Variants in LTBP1 observed in about 807,000 individuals in gnomAD.
LTBP1 encodes the protein latent-transforming growth factor beta-binding protein 1.
A neutral mutation model predicts 207.6 loss-of-function variants in LTBP1; 129 were observed. That is an observed-to-expected ratio of 0.62 (90% confidence interval 0.54 to 0.72). The LOEUF (loss-of-function observed/expected upper bound fraction) is 0.72, where lower values mean the gene tolerates loss of function less well. Ranked by LOEUF, LTBP1 falls within the 30% of genes least tolerant of loss-of-function variation. LTBP1 has a pLI of 0.00. For missense variants in LTBP1, 2,281 were observed against 2,217.2 expected (o/e 1.03, Z -0.58); for synonymous variants, 963 against 833.7 (o/e 1.16, Z -2.67).
rs182609918 is a variant in LTBP1 at position 33,060,896 on chromosome 2, T to A, written c.863+39690T>A. ...TTTCAAAAATTAAAAATTATATTAC[T>A]TTTTTTTTCTGAAATAGCTCTTGCA... On this transcript the variant is annotated intron_variant, in intron 3 of 33. Transcript: ENST00000404816. Among the ~76,000 whole-genome samples, 555 of 151,028 alleles carry A rather than the reference T, an allele frequency of 3.7e-3. 2 individuals are homozygous for A. The highest frequency in any genetic ancestry group is 6.1e-3 in the Non-Finnish European group (415 of 67,850).
chr2:33,150,956 G>A (rs186684687), intron 5 of LTBP1, among the ~76,000 whole-genome samples: 1 of 151,390 alleles, frequency 6.6e-6, no homozygotes, highest in African/African-American at 2.4e-5. Flanking sequence ...GCCAGGCTGG[G>A]CTCAAATTCC....
chr2:33,197,588 T>C (rs1018039800), intron 7 of LTBP1, among the ~76,000 whole-genome samples: 7 of 152,332 alleles, frequency 4.6e-5, no homozygotes, highest in African/African-American at 1.7e-4. Context: ...TCCTTTGTTT[T>C]TAAATTGGAT....
chr2:33,306,022 A>T (rs185765627), intron 22 of LTBP1, among the ~76,000 whole-genome samples: 1 of 152,116 alleles, frequency 6.6e-6, no homozygotes, highest in Non-Finnish European at 1.5e-5. Flanking sequence ...GGAAAAATAT[A>T]TATTTTCGCA....
intron 3 of LTBP1, among the ~76,000 whole-genome samples, chr2:33,082,432 C>CTTTTTTTT (rs56058653): frequency 1.0e-4 from 3 of 29,356 alleles, no homozygotes; most frequent in African/African-American, 3.3e-4. Context: ...GTATGACTCA[C>CTTTTTTTT]TTTTTTTTTT....
At chr2:32,969,570 C>A (rs755390582) in intron 2 of LTBP1, among the ~76,000 whole-genome samples, 1 of 152,108 alleles carries the variant, frequency 6.6e-6, no homozygotes, top group African/African-American at 2.4e-5. Context: ...TAATGGCCAC[C>A]AGCTCCATCC....
intron 22 of LTBP1, among the ~76,000 whole-genome samples, chr2:33,304,587 G>A (rs556513398): frequency 1.3e-5 from 2 of 152,264 alleles, no homozygotes; most frequent in African/African-American, 2.4e-5. Context: ...GATAATGAAC[G>A]TGCCTCAATT....
chr2:32,973,221 C>A (rs77023028), intron 2 of LTBP1, among the ~76,000 whole-genome samples: 10,232 of 152,140 alleles, frequency 0.067, 592 homozygotes, highest in East Asian at 0.21. Context: ...GATGATCTGT[C>A]TAATACTGTC....
chr2:33,124,828 T>C (rs940525889), intron 4 of LTBP1, among the ~76,000 whole-genome samples: 2 of 152,220 alleles, frequency 1.3e-5, no homozygotes, highest in East Asian at 1.9e-4. Flanking sequence ...CACAGTCTTG[T>C]GAGGTAGATA....
At chr2:33,070,614 C>G (rs190577487) in intron 3 of LTBP1, among the ~76,000 whole-genome samples, 1 of 152,224 alleles carries the variant, frequency 6.6e-6, no homozygotes, top group Non-Finnish European at 1.5e-5. Context: ...AAGGGCCACA[C>G]CTAATTTACA....
chr2:32,970,344 C>A (rs1680666936), intron 2 of LTBP1, among the ~76,000 whole-genome samples: 2 of 151,964 alleles, frequency 1.3e-5, no homozygotes, highest in African/African-American at 4.8e-5. Context: ...TTTCCAGGGC[C>A]TATGTTATCT....
At chr2:33,110,856 A>G (rs994391116) in intron 4 of LTBP1, 105 bp downstream of exon 4, 1 of 1,086,778 alleles carries the variant, frequency 9.2e-7, no homozygotes. Flanking sequence ...ATAAAATTCA[A>G]GAGTCATTAA....
chr2:33,124,679 A>C (rs1326986072), intron 4 of LTBP1, among the ~76,000 whole-genome samples: 3 of 152,260 alleles, frequency 2.0e-5, no homozygotes, highest in African/African-American at 7.2e-5. Context: ...ATCATGGTTT[A>C]AATGTCACTA....
chr2:33,275,087 A>T lies in LTBP1; in HGVS notation c.2866A>T (p.Ile956Leu). The T allele has an allele frequency of 1.2e-6, 2 of 1,613,846 alleles. No homozygotes were observed. The highest frequency in any genetic ancestry group is 1.7e-6 in the Non-Finnish European group (2 of 1,179,832). Residue 956 changes from isoleucine to leucine, a missense_variant, in exon 17 of 34, where the codon ATA becomes TTA. Physicochemically the swap from Ile to Leu is conservative, Grantham distance 5. This residue lies in a region of LTBP1 where 1,671 missense variants were observed against 1,634.8 expected (regional missense o/e 1.02). Coordinates refer to ENST00000404816, the MANE Select transcript of LTBP1 (RefSeq NM_206943.4). The stretch of plus-strand genomic sequence containing the variant: ...GGCCAGTGAGGAGGGTACTAACTGC[A>T]TAGGTAATGGCAGCATTCTTCCTGC... The part of the protein sequence containing the change: ...FMASEEGTNC[I>L]DVDECLRPDV...
intron 31 of LTBP1, among the ~76,000 whole-genome samples, chr2:33,382,246 C>T (rs1006878347): frequency 2.6e-5 from 4 of 151,718 alleles, no homozygotes; most frequent in Non-Finnish European, 5.9e-5. Flanking sequence ...AGGTGCACGC[C>T]ACCACGCCTG....
At position 33,388,015 on chromosome 2, in the gene LTBP1, G is replaced by C. The variant is rs528192361; in HGVS notation, c.4712-1169G>C. On this transcript the variant is annotated intron_variant, in intron 31 of 33. Transcript: ENST00000404816. ...CCCAGAATTTCACCAACTGCTAGAT[G>C]TATCTTTGGGAAGTGTATTTTGTGG... Among the ~76,000 whole-genome samples the C allele has an allele frequency of 2.0e-5, 3 of 152,318 alleles. No individual in the cohort carries two copies. The South Asian group carries it at 6.2e-4, about 32-fold the overall frequency.
intron 2 of LTBP1, among the ~76,000 whole-genome samples, chr2:32,973,376 C>T (rs890230664): frequency 6.6e-6 from 1 of 151,988 alleles, no homozygotes; most frequent in South Asian, 2.1e-4. Context: ...TGAATTAAAC[C>T]CTTTACCAGT....
intron 2 of LTBP1, among the ~76,000 whole-genome samples, chr2:33,017,588 G>C (rs969865953): frequency 2.6e-5 from 4 of 152,144 alleles, no homozygotes; most frequent in Non-Finnish European, 5.9e-5. Flanking sequence ...CTTGATAAAT[G>C]TGATAGAAGG....
chr2:33,368,000 G>A (rs529292831), intron 31 of LTBP1, among the ~76,000 whole-genome samples: 4 of 152,158 alleles, frequency 2.6e-5, no homozygotes, highest in Non-Finnish European at 5.9e-5. Context: ...GGATCATGAG[G>A]TCAGGAAAGA....
chr2:33,319,226 C>T (rs905620282), intron 24 of LTBP1, among the ~76,000 whole-genome samples: 5 of 151,920 alleles, frequency 3.3e-5, no homozygotes, highest in African/African-American at 9.7e-5. Context: ...GGTGGAACCC[C>T]GTCTCTACTA....
Sources: allele counts gnomAD v4.1 joint callset (sites outside exome capture counted in the v4.1 genomes callset), GRCh38; gene constraint gnomAD v4.1.1; regional missense constraint gnomAD v4.1.1; transcripts MANE v1.5; gene names NCBI Gene and HGNC (gene_info 2026-07-23, HGNC 2026-07-21).